Variants in ARHGEF12 observed in about 807,000 individuals in gnomAD.
The protein encoded by ARHGEF12 is KMT2A/ARHGEF12 fusion protein.
A neutral mutation model predicts 211.2 loss-of-function variants in ARHGEF12; 66 were observed. The ratio of observed to expected loss-of-function variants is 0.31; its 90% CI spans 0.26 to 0.38. The LOEUF (loss-of-function observed/expected upper bound fraction) is 0.38. Among genes scored for constraint, ARHGEF12 ranks in the 10% least tolerant of loss-of-function variants. The pLI, the probability that ARHGEF12 is intolerant of heterozygous loss-of-function variation, is 1.00. For synonymous variants in ARHGEF12, 592 were observed against 638.4 expected (o/e 0.93, Z 1.09); for missense variants, 1,429 against 1,869.5 (o/e 0.76, Z 4.34).
chr11:120,386,351 G>A (rs866392412), intron 1 of ARHGEF12, among the ~76,000 whole-genome samples: 3 of 152,222 alleles, frequency 2.0e-5, no homozygotes, highest in Middle Eastern at 3.4e-3. Context: ...GAAAGAGCTA[G>A]GACCCTAATT....
chr11:120,424,489 T>C (rs956346829), intron 7 of ARHGEF12, 74 bp downstream of exon 7: 5 of 1,206,604 alleles, frequency 4.1e-6, no homozygotes, highest in African/African-American at 1.5e-5. Context: ...TTTCCTGTAA[T>C]AGGCCAAATA....
intron 1 of ARHGEF12, among the ~76,000 whole-genome samples, chr11:120,368,500 A>G (rs1943494526): frequency 6.6e-6 from 1 of 152,118 alleles, no homozygotes. Flanking sequence ...GTATGTTCTG[A>G]GTATCAGGCT....
intron 1 of ARHGEF12, chr11:120,385,424 T>G: frequency 4.1e-6 from 4 of 985,408 alleles, no homozygotes; most frequent in Non-Finnish European, 4.8e-6. Flanking sequence ...TTCATTTTCT[T>G]CTACTCCATG....
intron 8 of ARHGEF12, among the ~76,000 whole-genome samples, 159 bp from the exon 9 acceptor site, chr11:120,429,281 A>G (rs1945454513): frequency 1.3e-5 from 2 of 152,222 alleles, no homozygotes; most frequent in Non-Finnish European, 2.9e-5. Context: ...TGTAAGTGTC[A>G]TGTCTGAAAG....
chr11:120,424,311 G>T, intron 6 of ARHGEF12, 47 bp from the exon 7 acceptor site: 4 of 1,363,880 alleles, frequency 2.9e-6, no homozygotes, highest in East Asian at 2.3e-5. Context: ...TTTATCCATT[G>T]TCTCAATAGA....
At chr11:120,409,364 T>C (rs1266071738) in intron 3 of ARHGEF12, 30 bp from the exon 4 acceptor site, 1 of 1,611,332 alleles carries the variant, frequency 6.2e-7, no homozygotes, top group Admixed American at 1.7e-5. Flanking sequence ...ATTTTCTATA[T>C]CTCTCTCCTT....
intron 11 of ARHGEF12, among the ~76,000 whole-genome samples, chr11:120,432,425 A>T (rs1357258532): frequency 6.6e-6 from 1 of 152,218 alleles, no homozygotes; most frequent in African/African-American, 2.4e-5. Flanking sequence ...TGTTAAGATG[A>T]TAATAAAACA....
At chr11:120,351,448 T>TAG (rs1942962155) in intron 1 of ARHGEF12, among the ~76,000 whole-genome samples, 1 of 3,502 alleles carries the variant, frequency 2.9e-4, no homozygotes, top group African/African-American at 1.8e-3. Context: ...TATATATATA[T>TAG]ATATATATTT....
At chr11:120,415,738 T>C (rs1945009347) in intron 4 of ARHGEF12, among the ~76,000 whole-genome samples, 1 of 152,228 alleles carries the variant, frequency 6.6e-6, no homozygotes, top group Non-Finnish European at 1.5e-5. Flanking sequence ...CAGTTAATTA[T>C]TACCACAGAT....
At chr11:120,419,961 G>A (rs968380159) in intron 4 of ARHGEF12, among the ~76,000 whole-genome samples, 3 of 152,140 alleles carry the variant, frequency 2.0e-5, no homozygotes, top group Non-Finnish European at 2.9e-5. Context: ...ACTAATCAGG[G>A]TTCTACCCTG....
intron 4 of ARHGEF12, among the ~76,000 whole-genome samples, chr11:120,413,608 A>T (rs542859933): frequency 6.6e-6 from 1 of 152,328 alleles, no homozygotes; most frequent in Non-Finnish European, 1.5e-5. Flanking sequence ...AAATCAGCAT[A>T]CTTGGAATTT....
chr11:120,450,014 T>C (rs1946157109), intron 21 of ARHGEF12: 1 of 151,954 alleles, frequency 6.6e-6, no homozygotes, highest in Non-Finnish European at 1.5e-5. Context: ...GCAGGAGAAA[T>C]AGGGATGGTG....
At chr11:120,474,722 G>A in intron 32 of ARHGEF12, 87 bp downstream of exon 32, 1 of 1,018,824 alleles carries the variant, frequency 9.8e-7, no homozygotes, top group Non-Finnish European at 1.5e-6. Flanking sequence ...GAAGAGGAGA[G>A]AACCATTCTC....
rs1413802407 is a variant in ARHGEF12, at chr11:120,451,778, A to G, written c.2056+54A>G. The stretch of plus-strand genomic sequence containing the variant: ...TAAGCATCAAGATTTTAAAACAAAC[A>G]CACTAACTGAAAAATAGAGTGGCAA... On this transcript the variant is annotated intron_variant, in intron 22 of 40. Transcript: ENST00000397843. The G allele has an allele frequency of 6.0e-6, 9 of 1,495,538 alleles. No homozygotes were observed. In the East Asian group the frequency reaches 2.1e-4, roughly 35 times the overall value. 92.6% of individuals were successfully genotyped at this position (1,495,538 alleles called of 1,614,324 possible).
At chr11:120,380,828 TA>T (rs1222046817) in intron 1 of ARHGEF12, among the ~76,000 whole-genome samples, 1 of 152,256 alleles carries the variant, frequency 6.6e-6, no homozygotes, top group African/African-American at 2.4e-5. Context: ...TTCAGTCATT[TA>T]TATCAGTATG....
intron 7 of ARHGEF12, among the ~76,000 whole-genome samples, chr11:120,424,787 C>A (rs1195943556): frequency 2.0e-5 from 3 of 152,086 alleles, no homozygotes; most frequent in African/African-American, 7.2e-5. Flanking sequence ...ATATTTGATA[C>A]ATATATTTGA....
chr11:120,385,376 G>T (rs1943999284), intron 1 of ARHGEF12: 2 of 985,198 alleles, frequency 2.0e-6, no homozygotes, highest in African/African-American at 3.5e-5. Context: ...TAAAGAAAAA[G>T]CTTAGGATTG....
In ARHGEF12 at chr11:120,337,268, A is replaced by T; in HGVS notation, c.25A>T (p.Thr9Ser). 1 of 1,614,094 alleles carries T rather than the reference A, an allele frequency of 6.2e-7. No homozygotes were observed. Among genetic ancestry groups the T allele is most frequent in the Non-Finnish European group, 8.5e-7 (1 of 1,180,024 alleles). Residue 9 changes from threonine to serine, a missense_variant, in exon 1 of 41, where the codon ACC becomes TCC. Around this residue, in one of 7 missense-constraint regions of ARHGEF12, gnomAD observed 41 missense variants for 48.6 expected, o/e 0.84. Coordinates refer to ENST00000397843, the MANE Select transcript of ARHGEF12 (RefSeq NM_015313.3). Reference sequence around the variant, plus strand: ...AATGAGTGGCACACAGTCTACTATCACCGACAGGTTGGTATGAATTCCTCC... The same window carrying T: ...AATGAGTGGCACACAGTCTACTATCTCCGACAGGTTGGTATGAATTCCTCC... MSGTQSTI[T>S]DRFPLKKPIR... is the part of the protein sequence containing the mutation.
chr11:120,352,149 C>T (rs778805822), intron 1 of ARHGEF12, among the ~76,000 whole-genome samples: 1 of 152,044 alleles, frequency 6.6e-6, no homozygotes, highest in Non-Finnish European at 1.5e-5. Flanking sequence ...ACCTGTTTTC[C>T]CTATTTTCTT....
Sources: allele counts gnomAD v4.1 joint callset (sites outside exome capture counted in the v4.1 genomes callset), GRCh38; gene constraint gnomAD v4.1.1; regional missense constraint gnomAD v4.1.1; transcripts MANE v1.5; gene names NCBI Gene and HGNC (gene_info 2026-07-23, HGNC 2026-07-21).